Variants in C1QTNF5 observed in about 807,000 individuals in gnomAD.
C1QTNF5 encodes complement C1q tumor necrosis factor-related protein 5.
C1QTNF5 carries 5 observed loss-of-function variants against 10.9 expected under a neutral mutation model. The ratio of observed to expected loss-of-function variants is 0.46; its 90% CI spans 0.24 to 0.97. C1QTNF5 has a LOEUF of 0.97. Among genes scored for constraint, C1QTNF5 ranks in the 50% least tolerant of loss-of-function variants. The probability of loss-of-function intolerance (pLI) is 0.19; values close to 1 mark genes in which losing one functional copy is unlikely to be tolerated. For missense variants in C1QTNF5, 281 were observed against 339.4 expected (o/e 0.83, Z 1.35); for synonymous variants, 161 against 156.5 (o/e 1.03, Z -0.22).
chr11:119,344,613 C>A (rs777698284), upstream of C1QTNF5: 13 of 1,613,820 alleles, frequency 8.1e-6, no homozygotes, highest in Middle Eastern at 1.7e-4. Context: ...AAGAGAGGAC[C>A]CCCATGCCTG....
At chr11:119,344,699 T>A, upstream of C1QTNF5, 1 of 1,613,980 alleles carries the variant, frequency 6.2e-7, no homozygotes, top group Non-Finnish European at 8.5e-7. Context: ...CATCACACAC[T>A]GAGTCAGGTA....
chr11:119,339,087 A>G lies in C1QTNF5; in HGVS notation c.*244T>C, dbSNP rs1950468833. 1 of 504,642 alleles carries G rather than the reference A, an allele frequency of 2.0e-6. No individual in the cohort carries two copies. The allele number at this position is 504,642 out of a possible 1,614,324, so 31.3% of individuals were successfully genotyped here. A position where few individuals can be genotyped will look rare whatever the true frequency, so the allele number is the denominator to read the frequency against. ...GGACCAGAGCAACTGGGGGACTTAC[A>G]CTTGCCAGCACAGCACACTCCTCTG... On this transcript the variant is annotated 3_prime_UTR_variant, in exon 3 of 3. Transcript: ENST00000528368. The surrounding 1 kb of genome is among the most constrained non-coding windows in gnomAD (Gnocchi z 5.4).
upstream of C1QTNF5, chr11:119,345,735 T>G (rs1950557895): frequency 6.2e-7 from 1 of 1,613,180 alleles, no homozygotes; most frequent in Admixed American, 1.7e-5. Flanking sequence ...CCCGTCATCT[T>G]GGGCCCTTCT....
chr11:119,345,109 T>C (rs1950547155), upstream of C1QTNF5: 7 of 1,455,518 alleles, frequency 4.8e-6, no homozygotes, highest in East Asian at 1.7e-4. Flanking sequence ...CCCAAACTGG[T>C]GACCATGTGG....
At chr11:119,342,593 C>T (rs11217241), upstream of C1QTNF5, 167,504 of 1,612,606 alleles carry the variant, frequency 0.1, 16,943 homozygotes, top group South Asian at 0.41. Context: ...GCAGGCTTCT[C>T]ACCTGGGGGT....
chr11:119,346,176 G>A, the C1QTNF5 span: 5 of 1,576,652 alleles, frequency 3.2e-6, no homozygotes, highest in Admixed American at 1.9e-5. Flanking sequence ...GTTGGCAGGT[G>A]GGGTTTTGAA....
At chr11:119,342,527 A>G, upstream of C1QTNF5, 1 of 1,590,922 alleles carries the variant, frequency 6.3e-7, no homozygotes, top group South Asian at 1.1e-5. Flanking sequence ...GACACTGTGC[A>G]GTACGGCAGT....
chr11:119,346,477 C>A, the C1QTNF5 span: 1 of 1,614,106 alleles, frequency 6.2e-7, no homozygotes, highest in South Asian at 1.1e-5. Flanking sequence ...GATTCTGTTG[C>A]CTCCATGCAG....
upstream of C1QTNF5, chr11:119,344,315 C>CAGTT: frequency 6.2e-7 from 1 of 1,613,890 alleles, no homozygotes; most frequent in Non-Finnish European, 8.5e-7. Context: ...CTGTGCTTAC[C>CAGTT]AGTTGGTGAG....
At chr11:119,344,357 A>G (rs140219646), upstream of C1QTNF5, 5 of 1,613,974 alleles carry the variant, frequency 3.1e-6, no homozygotes, top group Admixed American at 5.0e-5. Flanking sequence ...GAGTAGAGAA[A>G]GTGCCCTGGA....
At chr11:119,345,140 T>C (rs1664107107), upstream of C1QTNF5, 1 of 1,179,190 alleles carries the variant, frequency 8.5e-7, no homozygotes. Flanking sequence ...TCCTCTGATG[T>C]CCCAGGGAGC....
intron 1 of C1QTNF5, 114 bp downstream of exon 1, chr11:119,340,581 C>T: frequency 6.4e-6 from 4 of 624,652 alleles, no homozygotes; most frequent in Non-Finnish European, 1.1e-5. Context: ...ATCCGGAGAG[C>T]ACAGGCAGGC....
chr11:119,340,726 G>A lies in C1QTNF5; in HGVS notation c.-75C>T. Reference sequence around the variant, plus strand: ...TCCCGGCTCCCCGATGGCCTCCTTCGGGGCGCTCGCTACTCCGGACCCTCC... The same window carrying A: ...TCCCGGCTCCCCGATGGCCTCCTTCAGGGCGCTCGCTACTCCGGACCCTCC... On this transcript the variant is annotated 5_prime_UTR_variant, in exon 1 of 3. Transcript: ENST00000528368. The A allele has an allele frequency of 1.6e-5, 6 of 378,140 alleles. No homozygotes were observed. The highest frequency in any genetic ancestry group is 1.4e-4 in the South Asian group (5 of 35,582). The allele number at this position is 378,140 out of a possible 1,614,324, so 23.4% of individuals were successfully genotyped here. A position where few individuals can be genotyped will look rare whatever the true frequency, so the allele number is the denominator to read the frequency against.
At chr11:119,345,194 C>T (rs976086422), upstream of C1QTNF5, among the ~76,000 whole-genome samples, 23 of 152,348 alleles carry the variant, frequency 1.5e-4, no homozygotes, top group Admixed American at 3.3e-4. Context: ...GTAGCATCTA[C>T]TCATGGGGAG....
upstream of C1QTNF5, chr11:119,343,854 A>G (rs762147459): frequency 2.5e-6 from 4 of 1,613,630 alleles, no homozygotes; most frequent in Non-Finnish European, 3.4e-6. Context: ...TGCTGGTCTC[A>G]TACACCTCCA....
At chr11:119,340,641 A>G (rs1466324661) in intron 1 of C1QTNF5, 54 bp downstream of exon 1, 2 of 541,758 alleles carry the variant, frequency 3.7e-6, no homozygotes, top group Non-Finnish European at 3.2e-6. Context: ...GGCCCGCGCC[A>G]GCCTTTCCCA....
chr11:119,346,035 C>T, the C1QTNF5 span: 61 of 1,611,156 alleles, frequency 3.8e-5, no homozygotes, highest in South Asian at 3.0e-4. Flanking sequence ...AAGCTGTCCC[C>T]GGGTACTTAC....
upstream of C1QTNF5, chr11:119,344,455 C>A (rs10790289): frequency 6.4e-7 from 1 of 1,554,398 alleles, no homozygotes; most frequent in Non-Finnish European, 8.8e-7. Context: ...ATAGGGCTGG[C>A]GGTGATTACA....
upstream of C1QTNF5, chr11:119,345,863 T>C (rs771169583): frequency 6.2e-6 from 10 of 1,613,478 alleles, no homozygotes; most frequent in South Asian, 1.1e-4. Flanking sequence ...GTGGTGGTGG[T>C]CGTGGTAAGG....
Sources: allele counts gnomAD v4.1 joint callset (sites outside exome capture counted in the v4.1 genomes callset), GRCh38; gene constraint gnomAD v4.1.1; non-coding constraint Gnocchi (gnomAD v3.1); transcripts MANE v1.5; gene names NCBI Gene and HGNC (gene_info 2026-07-23, HGNC 2026-07-21).